SGPP1: variants seen among roughly 807,000 people sequenced by gnomAD.
SGPP1 encodes sphingosine-1-phosphate phosphatase 1, also known as hSPP1.
A neutral mutation model predicts 33.0 loss-of-function variants in SGPP1; 21 were observed. The observed-to-expected ratio is 0.64, with a 90% confidence interval of 0.45 to 0.92. The LOEUF is 0.92. Ranked by LOEUF, SGPP1 falls within the 40% of genes least tolerant of loss-of-function variation. The pLI, the probability that SGPP1 is intolerant of heterozygous loss-of-function variation, is 0.00. For synonymous variants in SGPP1, 239 were observed against 241.2 expected, an observed-to-expected ratio of 0.99 and a Z score of 0.08; for missense variants, 543 against 589.4, an observed-to-expected ratio of 0.92 and a Z score of 0.81.
chr14:63,718,988 A>ATG (rs1566536533), intron 1 of SGPP1, among the ~76,000 whole-genome samples: 1 of 15,406 alleles, frequency 6.5e-5, no homozygotes, highest in African/African-American at 3.8e-4. Flanking sequence ...ATATATATAT[A>ATG]TATATATATA....
At chr14:63,704,196 CA>C (rs1379755496) in intron 1 of SGPP1, among the ~76,000 whole-genome samples, 2 of 152,062 alleles carry the variant, frequency 1.3e-5, no homozygotes, top group African/African-American at 4.8e-5. Context: ...TATGGAATTG[CA>C]AAAGGTCCTG....
In SGPP1 at chr14:63,692,188, G is replaced by A. The variant is rs181166523; in HGVS notation, c.775-5532C>T. Among the ~76,000 whole-genome samples, 251 of 152,322 alleles carry A rather than the reference G, an allele frequency of 1.6e-3. 2 individuals are homozygous for A. The highest frequency in any genetic ancestry group is 3.4e-3 in the Middle Eastern group (1 of 294). On this transcript the variant is annotated intron_variant, in intron 2 of 2. Transcript: ENST00000247225. ...TAACCATAACAACCAATATGAAACAGCTTGCCTCGAAAAGTCCCATTTTGC... is the reference window on the plus strand; with the variant it reads ...TAACCATAACAACCAATATGAAACAACTTGCCTCGAAAAGTCCCATTTTGC...
At chr14:63,715,981 G>A (rs543078762) in intron 1 of SGPP1, among the ~76,000 whole-genome samples, 2 of 152,194 alleles carry the variant, frequency 1.3e-5, no homozygotes, top group South Asian at 4.1e-4. Flanking sequence ...GATTATTCTG[G>A]ACCATCCTAT....
chr14:63,691,155 C>T (rs1321009354), intron 2 of SGPP1, among the ~76,000 whole-genome samples: 2 of 152,126 alleles, frequency 1.3e-5, no homozygotes, highest in African/African-American at 4.8e-5. Flanking sequence ...CCTTTTATAA[C>T]AGGTCAAGGA....
chr14:63,712,497 A>G (rs1361514847), intron 1 of SGPP1, among the ~76,000 whole-genome samples: 2 of 152,102 alleles, frequency 1.3e-5, no homozygotes, highest in African/African-American at 4.8e-5. Context: ...GGGAAGCAAA[A>G]CCATTGGCTG....
chr14:63,726,123 C>A (rs1835253191), intron 1 of SGPP1, among the ~76,000 whole-genome samples: 1 of 152,046 alleles, frequency 6.6e-6, no homozygotes, highest in African/African-American at 2.4e-5. Context: ...ATGCACTACA[C>A]AGAAGTATCC....
chr14:63,723,369 TTAAG>T (rs1383609729), intron 1 of SGPP1, among the ~76,000 whole-genome samples: 2 of 152,154 alleles, frequency 1.3e-5, no homozygotes, highest in African/African-American at 2.4e-5. Flanking sequence ...ACAAAACTCT[TTAAG>T]TAATTACTTG....
intron 2 of SGPP1, among the ~76,000 whole-genome samples, chr14:63,690,260 TTCCAACTTC>T (rs1161687912): frequency 6.6e-6 from 1 of 152,132 alleles, no homozygotes; most frequent in African/African-American, 2.4e-5. Context: ...CAAGGCTGGT[TTCCAACTTC>T]TGAGCTCAAG....
In SGPP1 at chr14:63,707,640, A is replaced by G. The variant is rs560552473; in HGVS notation, c.685-8982T>C. Among the ~76,000 whole-genome samples the G allele has an allele frequency of 5.3e-5, 8 of 151,880 alleles. No individual in the cohort carries two copies. In the South Asian group the frequency reaches 1.0e-3, roughly 20 times the overall value. On this transcript the variant is annotated intron_variant, in intron 1 of 2. Transcript: ENST00000247225. ...AACCTCCGCCTCCCGGGTTCAAGCA[A>G]TTCTCCTGCTGGTCAGGCTGGTCTT...
chr14:63,707,540 T>G (rs1456755740), intron 1 of SGPP1, among the ~76,000 whole-genome samples: 5 of 151,850 alleles, frequency 3.3e-5, no homozygotes, highest in Non-Finnish European at 7.4e-5. Flanking sequence ...TACTGATTTT[T>G]TTTTTTTTTT....
intron 1 of SGPP1, among the ~76,000 whole-genome samples, chr14:63,702,826 T>C (rs907044934): frequency 2.0e-5 from 3 of 152,042 alleles, no homozygotes; most frequent in African/African-American, 7.2e-5. Context: ...AGTGTCAAAG[T>C]AAAAAAGAAT....
chr14:63,720,441 A>C (rs1885747254), intron 1 of SGPP1, among the ~76,000 whole-genome samples: 1 of 151,834 alleles, frequency 6.6e-6, no homozygotes, highest in East Asian at 1.9e-4. Flanking sequence ...AGAACAGTAC[A>C]GTATATTACC....
At chr14:63,711,322 T>C (rs1486793707) in intron 1 of SGPP1, among the ~76,000 whole-genome samples, 4 of 152,164 alleles carry the variant, frequency 2.6e-5, no homozygotes, top group African/African-American at 7.2e-5. Context: ...GCCATTAAGA[T>C]TGTTTTCTAG....
chr14:63,686,504 A>C lies in SGPP1; in HGVS notation c.927T>G (p.Leu309=). ...CTCCTCGGGATGTGCTCCAGGTGTCAAGAGTGAAAGAAAAGATCCCCAAAG... is the reference window on the plus strand; with the variant it reads ...CTCCTCGGGATGTGCTCCAGGTGTCCAGAGTGAAAGAAAAGATCCCCAAAG... ...HLALGIFSFT[L]DTWSTSRGDT... The change falls in exon 3 of 3, where the codon CTT becomes CTG. Residue 309 remains leucine, a synonymous_variant. Transcript: ENST00000247225. 6.2e-7 allele frequency: 1 copy of C among 1,614,108 alleles called. No individual in the cohort carries two copies.
At chr14:63,706,431 C>T (rs1024902010) in intron 1 of SGPP1, among the ~76,000 whole-genome samples, 2 of 152,030 alleles carry the variant, frequency 1.3e-5, no homozygotes, top group Admixed American at 6.6e-5. Flanking sequence ...GTAAGTTTTA[C>T]CCCAAGTTAA....
At chr14:63,688,418 G>A (rs1007853419) in intron 2 of SGPP1, among the ~76,000 whole-genome samples, 1 of 151,576 alleles carries the variant, frequency 6.6e-6, no homozygotes, top group African/African-American at 2.4e-5. Context: ...AGAGGAATCA[G>A]AGACGGTTCC....
intron 2 of SGPP1, among the ~76,000 whole-genome samples, chr14:63,691,951 GAGAA>G (rs1381069144): frequency 2.7e-5 from 4 of 150,830 alleles, no homozygotes; most frequent in African/African-American, 9.7e-5. Context: ...AAAACAAAAA[GAGAA>G]AGAAAAAAAA....
intron 2 of SGPP1, among the ~76,000 whole-genome samples, chr14:63,687,806 A>G (rs1197655224): frequency 6.6e-6 from 1 of 152,150 alleles, no homozygotes; most frequent in Non-Finnish European, 1.5e-5. Flanking sequence ...TGGGCAACAC[A>G]GGGAGACTTC....
At chr14:63,718,576 C>T (rs1056461316) in intron 1 of SGPP1, among the ~76,000 whole-genome samples, 3 of 151,710 alleles carry the variant, frequency 2.0e-5, no homozygotes, top group Non-Finnish European at 4.4e-5. Flanking sequence ...AAATGCATGA[C>T]AAAGAGAGGG....
Sources: gnomAD v4.1 joint callset for allele counts (sites outside exome capture counted in the v4.1 genomes callset) on GRCh38, gnomAD v4.1.1 for gene constraint, MANE v1.5 for transcripts, NCBI Gene and HGNC (gene_info 2026-07-23, HGNC 2026-07-21) for gene names.